CLUL1: variants seen among roughly 807,000 people sequenced by gnomAD.
CLUL1 encodes clusterin-like protein 1.
Under a neutral mutation model 49.4 loss-of-function variants are expected in CLUL1, and 43 were observed. The ratio of observed to expected loss-of-function variants is 0.87; its 90% CI spans 0.68 to 1.12. The LOEUF (loss-of-function observed/expected upper bound fraction) is 1.12, where lower values mean the gene tolerates loss of function less well. Among genes scored for constraint, CLUL1 ranks in the 50% most tolerant of loss-of-function variants. CLUL1 has a pLI of 0.00. For missense variants in CLUL1, 486 were observed against 544.4 expected, an observed-to-expected ratio of 0.89 and a Z score of 1.07; for synonymous variants, 192 against 184.9, an observed-to-expected ratio of 1.04 and a Z score of -0.31.
Position 645,080 on chromosome 18 carries a change from G to T in CLUL1, c.1380G>T (p.Lys460Asn). The change falls in exon 9 of 10, where the codon AAG (lysine) becomes AAT (asparagine). Residue 460 changes from lysine to asparagine, a missense_variant. Physicochemically the swap from Lys to Asn is moderately conservative, Grantham distance 94 (BLOSUM62 0). Transcript: ENST00000692774. ...YVVAKALQHFKEHFKTW is the reference protein window; with the variant it reads ...YVVAKALQHFNEHFKTW ...TGGCAAAAGCTCTACAGCATTTTAA[G>T]GAACATTTTAAAACCTGGTAAGCAG... is the stretch of plus-strand genomic sequence containing the variant. 6.2e-7 allele frequency: 1 copy of T among 1,603,644 alleles called. No homozygotes were observed. The highest frequency in any genetic ancestry group is 8.5e-7 in the Non-Finnish European group (1 of 1,175,692).
At chr18:630,955 G>C (rs2073979179) in intron 6 of CLUL1, among the ~76,000 whole-genome samples, 1 of 151,598 alleles carries the variant, frequency 6.6e-6, no homozygotes. Flanking sequence ...TAATGAATTT[G>C]TGCTGTTTCA....
At chr18:647,179 GCAA>G (rs1278282945) in intron 9 of CLUL1, among the ~76,000 whole-genome samples, 2 of 151,592 alleles carry the variant, frequency 1.3e-5, no homozygotes, top group Non-Finnish European at 2.9e-5. Context: ...GGCAAATACG[GCAA>G]GAAAGAGTAG....
chr18:625,966 T>A (rs567538355), intron 5 of CLUL1, among the ~76,000 whole-genome samples: 2 of 152,292 alleles, frequency 1.3e-5, no homozygotes, highest in Admixed American at 1.3e-4. Context: ...CAGCAGGAAG[T>A]CAGGAGATAT....
chr18:598,433 T>A (rs1438677308), intron 1 of CLUL1: 1 of 397,470 alleles, frequency 2.5e-6, no homozygotes, highest in Non-Finnish European at 4.4e-6. Context: ...GAGTCTTCCT[T>A]CTTTCGACAG....
At chr18:638,918 A>G (rs1441571052) in intron 7 of CLUL1, among the ~76,000 whole-genome samples, 2 of 152,062 alleles carry the variant, frequency 1.3e-5, no homozygotes, top group African/African-American at 2.4e-5. Flanking sequence ...CAAAACAGAT[A>G]AAGCCCCACT....
Position 617,913 on chromosome 18 carries a change from A to C in CLUL1, c.-13-75A>C, listed in dbSNP as rs1187668105. The stretch of plus-strand genomic sequence containing the variant: ...TGACAGAAAAATGCTTTGGAGCCCC[A>C]GGTGTTTTCAATTGATGCCAACAGA... On this transcript the variant is annotated intron_variant, in intron 2 of 9. Coordinates refer to ENST00000692774, the MANE Select transcript of CLUL1 (RefSeq NM_001393344.1). The C allele has an allele frequency of 3.3e-6, 4 of 1,199,250 alleles. No individual in the cohort carries two copies. The Admixed American group carries it at 8.1e-5, about 24-fold the overall frequency. 74.3% of individuals were successfully genotyped at this position (1,199,250 alleles called of 1,614,324 possible). A position where few individuals can be genotyped will look rare whatever the true frequency, so the allele number is the denominator to read the frequency against.
intron 2 of CLUL1, among the ~76,000 whole-genome samples, chr18:608,188 G>A (rs1282217388): frequency 6.6e-6 from 1 of 152,080 alleles, no homozygotes; most frequent in African/African-American, 2.4e-5. Context: ...CCCTGAGTTG[G>A]CATCTCAGGG....
chr18:610,980 G>C (rs958827246), intron 2 of CLUL1, among the ~76,000 whole-genome samples: 1 of 152,128 alleles, frequency 6.6e-6, no homozygotes, highest in Non-Finnish European at 1.5e-5. Context: ...TCAAAAATTT[G>C]CCTGGAATTC....
intron 4 of CLUL1, among the ~76,000 whole-genome samples, chr18:623,986 T>C (rs570789159): frequency 6.6e-6 from 1 of 152,290 alleles, no homozygotes; most frequent in East Asian, 1.9e-4. Flanking sequence ...CTGCACGATA[T>C]CTCGGCATGG....
intron 2 of CLUL1, among the ~76,000 whole-genome samples, chr18:617,595 CAAAAAAAA>C (rs11422881): frequency 1.5e-4 from 12 of 82,052 alleles, no homozygotes; most frequent in Non-Finnish European, 2.2e-4. Context: ...AACTCCGTCT[CAAAAAAAA>C]AAAAAAAAAA....
rs572160044 is a variant in CLUL1 at position 613,516 on chromosome 18, G to A, written c.-13-4472G>A. 3.2e-4 allele frequency among the ~76,000 whole-genome samples: 48 copies of A among 149,438 alleles called. 2 individuals carry two copies. Among genetic ancestry groups the A allele is most frequent in the African/African-American group, 1.0e-3 (42 of 40,432 alleles). On this transcript the variant is annotated intron_variant, in intron 2 of 9. Coordinates refer to ENST00000692774, the MANE Select transcript of CLUL1 (RefSeq NM_001393344.1). ...GTTGCCCAGGCTGGAGTGCAGTGAC[G>A]CTATCTCAGCTCACAGAAACCTCCG...
chr18:627,677 G>T, intron 6 of CLUL1, 148 bp downstream of exon 6: 1 of 608,970 alleles, frequency 1.6e-6, no homozygotes. Context: ...CCTCTTAAAA[G>T]AAGCTTTGAA....
At chr18:623,867 T>C (rs1377840351) in intron 4 of CLUL1, among the ~76,000 whole-genome samples, 1 of 152,176 alleles carries the variant, frequency 6.6e-6, no homozygotes, top group Non-Finnish European at 1.5e-5. Context: ...TGTGGAAGAT[T>C]GTCAGTGCCC....
At chr18:649,010 T>A (rs71352961) in intron 9 of CLUL1, among the ~76,000 whole-genome samples, 1 of 152,168 alleles carries the variant, frequency 6.6e-6, no homozygotes, top group African/African-American at 2.4e-5. Flanking sequence ...TATCTTATTG[T>A]TATAATTTTT....
chr18:641,923 T>A (rs1256229784), intron 8 of CLUL1, among the ~76,000 whole-genome samples: 1 of 152,158 alleles, frequency 6.6e-6, no homozygotes, highest in Non-Finnish European at 1.5e-5. Flanking sequence ...TGAGTAAGCT[T>A]GGGAAAGTAC....
intron 8 of CLUL1, among the ~76,000 whole-genome samples, 165 bp downstream of exon 8, chr18:641,706 G>A (rs964754806): frequency 1.3e-5 from 2 of 152,128 alleles, no homozygotes; most frequent in Non-Finnish European, 2.9e-5. Flanking sequence ...GTAGTTCATG[G>A]TCTTTAGAAA....
Position 617,183 on chromosome 18 carries a change from A to G in CLUL1, c.-13-805A>G, listed in dbSNP as rs1465313716. On this transcript the variant is annotated intron_variant, in intron 2 of 9. Transcript: ENST00000692774. ...GAAGAAAAAATTTTAACTGTGCACT[A>G]TTCACATAGCATAATGGGTTTTATA... 3.3e-5 allele frequency among the ~76,000 whole-genome samples: 5 copies of G among 152,348 alleles called. No homozygotes were observed. The East Asian group carries it at 9.6e-4, about 29-fold the overall frequency.
chr18:612,586 C>A (rs2073168330), intron 2 of CLUL1, among the ~76,000 whole-genome samples: 1 of 152,240 alleles, frequency 6.6e-6, no homozygotes, highest in Non-Finnish European at 1.5e-5. Flanking sequence ...GCTGGCTCTA[C>A]TTTCAGGGAT....
chr18:626,935 G>GA lies in CLUL1; in HGVS notation c.424-160dup, dbSNP rs1388605476. Among the ~76,000 whole-genome samples the GA allele has an allele frequency of 2.8e-3, 7 of 2,464 alleles. 1 individual carries two copies. Among genetic ancestry groups the GA allele is most frequent in the Non-Finnish European group, 3.8e-3 (1 of 266 alleles). 1.6% of individuals were successfully genotyped at this position (2,464 alleles called of 152,430 possible). A position where few individuals can be genotyped will look rare whatever the true frequency, so the allele number is the denominator to read the frequency against. On this transcript the variant is annotated intron_variant, in intron 5 of 9. Transcript: ENST00000692774. ...AGAAAGAAAGAAAGAAAGAAGGAAA[G>GA]AAGGAAAGAAGGAAGGAAGGAAGGA...
Sources: gnomAD v4.1 joint callset for allele counts (sites outside exome capture counted in the v4.1 genomes callset) on GRCh38, gnomAD v4.1.1 for gene constraint, MANE v1.5 for transcripts, NCBI Gene and HGNC (gene_info 2026-07-23, HGNC 2026-07-21) for gene names.